NIBAN1: variants seen among roughly 807,000 people sequenced by gnomAD.
NIBAN1 encodes niban apoptosis regulator 1.
A neutral mutation model predicts 75.1 loss-of-function variants in NIBAN1; 81 were observed. That is an observed-to-expected ratio of 1.08 (90% CI 0.90 to 1.30). The LOEUF (loss-of-function observed/expected upper bound fraction) is 1.30, where lower values mean the gene tolerates loss of function less well. Ranked by LOEUF, NIBAN1 falls within the 50% of genes most tolerant of loss-of-function variation. The probability of loss-of-function intolerance (pLI) is 0.00; values close to 1 mark genes in which losing one functional copy is unlikely to be tolerated. For missense variants in NIBAN1, 1,133 were observed against 1,128.1 expected (o/e 1.00, Z -0.06); for synonymous variants, 436 against 424.8 (o/e 1.03, Z -0.32).
intron 12 of NIBAN1, 135 bp from the exon 13 acceptor site, chr1:184,798,325 G>C (rs1240308119): frequency 1.3e-5 from 7 of 541,438 alleles, no homozygotes; most frequent in Non-Finnish European, 2.3e-5. Context: ...TTGGCCCAGG[G>C]GCAAATTACT....
chr1:184,867,740 TCTC>T (rs1655995612), intron 5 of NIBAN1: 2 of 410,626 alleles, frequency 4.9e-6, no homozygotes, highest in South Asian at 2.0e-4. Flanking sequence ...ATCCTCAAAC[TCTC>T]CTCTGTTAAC....
At chr1:184,919,521 G>C (rs1214841300) in intron 1 of NIBAN1, among the ~76,000 whole-genome samples, 1 of 152,134 alleles carries the variant, frequency 6.6e-6, no homozygotes, top group Admixed American at 6.5e-5. Context: ...CGTTTAAACG[G>C]TCTTAATATC....
At position 184,796,383 on chromosome 1, in the gene NIBAN1, A is replaced by G. The variant is rs149059278; in HGVS notation, c.1667-286T>C. Among the ~76,000 whole-genome samples the G allele has an allele frequency of 1.4e-3, 220 of 152,356 alleles. 1 individual carries two copies. Among genetic ancestry groups the G allele is most frequent in the African/African-American group, 5.1e-3 (210 of 41,584 alleles). On this transcript the variant is annotated intron_variant, in intron 13 of 13. Coordinates refer to ENST00000367511, the MANE Select transcript of NIBAN1 (RefSeq NM_052966.4). ...TATAGCCTTTGTTTTCAAGACACTCAGGGTCTGCAGTAGTGTCACCTGTAT... is the reference window on the plus strand; with the variant it reads ...TATAGCCTTTGTTTTCAAGACACTCGGGGTCTGCAGTAGTGTCACCTGTAT...
At chr1:184,916,440 A>G (rs1657385372) in intron 1 of NIBAN1, among the ~76,000 whole-genome samples, 1 of 152,186 alleles carries the variant, frequency 6.6e-6, no homozygotes, top group African/African-American at 2.4e-5. Context: ...AACTGTAAAT[A>G]TTTAATTTTT....
intron 5 of NIBAN1, among the ~76,000 whole-genome samples, chr1:184,872,370 GA>G (rs201252908): frequency 8.7e-5 from 13 of 150,196 alleles, no homozygotes; most frequent in Non-Finnish European, 1.6e-4. Context: ...ACTGTTCAGG[GA>G]AAAAAAAAGA....
At position 184,791,519 on chromosome 1, in the gene NIBAN1, C is replaced by A. The variant is rs1653695941; in HGVS notation, c.*3458G>T. The A allele has an allele frequency of 1.4e-5, 2 of 146,652 alleles. No individual in the cohort carries two copies. The highest frequency in any genetic ancestry group is 5.1e-5 in the African/African-American group (2 of 39,418). The allele number at this position is 146,652 out of a possible 1,614,324, so 9.1% of individuals were successfully genotyped here. A position where few individuals can be genotyped will look rare whatever the true frequency, so the allele number is the denominator to read the frequency against. ...TTTTTTTTTTTTTAAAGAAAGTTTA[C>A]TATGTGTAATGCAAGGCACTTATGT... On this transcript the variant is annotated 3_prime_UTR_variant, in exon 14 of 14. Transcript: ENST00000367511.
At chr1:184,938,391 G>T (rs1451439721) in intron 1 of NIBAN1, among the ~76,000 whole-genome samples, 2 of 152,084 alleles carry the variant, frequency 1.3e-5, no homozygotes, top group African/African-American at 4.8e-5. Flanking sequence ...CTCGAGTTAT[G>T]TCTACCTAAT....
At position 184,873,486 on chromosome 1, in the gene NIBAN1, T is replaced by A. The variant is rs141147747; in HGVS notation, c.601+11147A>T. Among the ~76,000 whole-genome samples, 4 of 152,316 alleles carry A rather than the reference T, an allele frequency of 2.6e-5. No homozygotes were observed. In the East Asian group the frequency reaches 7.7e-4, roughly 29 times the overall value. ...TAAATTTTCCATGAGAAACGTGCCC[T>A]CCTGGTACCAGGAAGAAGAGAATAT... On this transcript the variant is annotated intron_variant, in intron 5 of 13. Coordinates refer to ENST00000367511, the MANE Select transcript of NIBAN1 (RefSeq NM_052966.4).
At chr1:184,870,244 T>A (rs1656070047) in intron 5 of NIBAN1, among the ~76,000 whole-genome samples, 1 of 152,218 alleles carries the variant, frequency 6.6e-6, no homozygotes, top group African/African-American at 2.4e-5. Context: ...TTAAGCAAAG[T>A]CTTCAGAGCT....
chr1:184,887,662 G>C (rs911912991), intron 4 of NIBAN1: 1 of 152,202 alleles, frequency 6.6e-6, no homozygotes, highest in African/African-American at 2.4e-5. Flanking sequence ...AATAAAGGGG[G>C]AGAAAGCAAG....
At chr1:184,798,046 A>G in intron 13 of NIBAN1, 33 bp downstream of exon 13, 1 of 1,446,956 alleles carries the variant, frequency 6.9e-7, no homozygotes, top group Non-Finnish European at 9.7e-7. Flanking sequence ...CCCTCTATGG[A>G]GTGTCCCTGC....
intron 8 of NIBAN1, among the ~76,000 whole-genome samples, chr1:184,821,229 A>G (rs1391662108): frequency 2.0e-5 from 3 of 152,190 alleles, no homozygotes; most frequent in Non-Finnish European, 4.4e-5. Context: ...AGCAGAACTA[A>G]AGCTCAGGGG....
chr1:184,912,592 C>T (rs768046801), intron 1 of NIBAN1, among the ~76,000 whole-genome samples: 8 of 152,084 alleles, frequency 5.3e-5, no homozygotes, highest in Non-Finnish European at 7.4e-5. Context: ...GGCTGAGCAA[C>T]CTTTCATATA....
At chr1:184,889,250 A>G (rs1478139507) in intron 4 of NIBAN1, among the ~76,000 whole-genome samples, 1 of 152,146 alleles carries the variant, frequency 6.6e-6, no homozygotes, top group Non-Finnish European at 1.5e-5. Flanking sequence ...ACCTAGAAAG[A>G]CCCTTCTAGG....
chr1:184,889,530 A>C (rs1656613238), intron 4 of NIBAN1, among the ~76,000 whole-genome samples: 1 of 152,180 alleles, frequency 6.6e-6, no homozygotes, highest in South Asian at 2.1e-4. Context: ...ATATCATCCT[A>C]AAATTAGAAA....
chr1:184,888,823 G>A (rs939458749), intron 4 of NIBAN1, among the ~76,000 whole-genome samples: 6 of 152,190 alleles, frequency 3.9e-5, no homozygotes, highest in African/African-American at 9.6e-5. Flanking sequence ...CACTGCCAAG[G>A]GCATATAAGT....
chr1:184,869,720 T>A (rs1276039729), intron 5 of NIBAN1, among the ~76,000 whole-genome samples: 1 of 152,108 alleles, frequency 6.6e-6, no homozygotes, highest in Non-Finnish European at 1.5e-5. Context: ...TTTTGTATTT[T>A]TAGTAGAGAT....
At chr1:184,955,035 A>G (rs1658448611) in intron 1 of NIBAN1, among the ~76,000 whole-genome samples, 1 of 152,192 alleles carries the variant, frequency 6.6e-6, no homozygotes, top group Non-Finnish European at 1.5e-5. Flanking sequence ...AACTGATTAC[A>G]TTAGTTTTAA....
intron 1 of NIBAN1, among the ~76,000 whole-genome samples, chr1:184,909,335 T>C (rs945375483): frequency 6.6e-6 from 1 of 152,180 alleles, no homozygotes. Flanking sequence ...ATTTTTCTTC[T>C]CTCCACACAG....
Sources: gnomAD v4.1 joint callset for allele counts (sites outside exome capture counted in the v4.1 genomes callset) on GRCh38, gnomAD v4.1.1 for gene constraint, MANE v1.5 for transcripts, NCBI Gene and HGNC (gene_info 2026-07-23, HGNC 2026-07-21) for gene names.